Variants in DIPK1B observed in about 807,000 individuals in gnomAD.
DIPK1B encodes divergent protein kinase domain 1B, also known as family with sequence similarity 69 member B.
DIPK1B carries 17 observed loss-of-function variants against 20.7 expected under a neutral mutation model. The ratio of observed to expected loss-of-function variants is 0.82; its 90% confidence interval spans 0.56 to 1.23. DIPK1B has a LOEUF of 1.23. Among genes scored for constraint, DIPK1B ranks in the 50% most tolerant of loss-of-function variants. DIPK1B has a pLI of 0.00. For synonymous variants in DIPK1B, 343 were observed against 276.5 expected, an observed-to-expected ratio of 1.24 and a Z score of -2.39; for missense variants, 648 against 601.8, an observed-to-expected ratio of 1.08 and a Z score of -0.80.
chr9:136,722,814 C>G (rs891032964), intron 4 of DIPK1B, 148 bp from the exon 5 acceptor site: 2 of 761,630 alleles, frequency 2.6e-6, no homozygotes, highest in Admixed American at 5.8e-5. Flanking sequence ...GTCCTCCACC[C>G]GTGTAGCTGT....
At position 136,712,637 on chromosome 9, in the gene DIPK1B, G is replaced by A; in HGVS notation, c.-29G>A. On this transcript the variant is annotated 5_prime_UTR_variant, in exon 1 of 5. Coordinates refer to ENST00000371692, the MANE Select transcript of DIPK1B (RefSeq NM_152421.4). The surrounding 1 kb of genome is among the most constrained non-coding windows in gnomAD (Gnocchi z 5.6). ...GGGGCTGAGGCCGAGCGAGCCGCGGGGCCCGCGCAGCCCCGGCCGGAGCCC... is the reference window on the plus strand; with the variant it reads ...GGGGCTGAGGCCGAGCGAGCCGCGGAGCCCGCGCAGCCCCGGCCGGAGCCC... The A allele has an allele frequency of 8.9e-7, 1 of 1,129,390 alleles. No individual in the cohort carries two copies. Among genetic ancestry groups the A allele is most frequent in the Non-Finnish European group, 1.1e-6 (1 of 920,870 alleles). 70.0% of individuals were successfully genotyped at this position (1,129,390 alleles called of 1,614,324 possible). A position where few individuals can be genotyped will look rare whatever the true frequency, so the allele number is the denominator to read the frequency against.
chr9:136,721,352 A>G (rs753260763), intron 2 of DIPK1B: 1 of 153,676 alleles, frequency 6.5e-6, no homozygotes, highest in Non-Finnish European at 1.4e-5. Context: ...CAGCACCATC[A>G]TAGGAAACAA....
In DIPK1B at chr9:136,724,401, A is replaced by T. The variant is rs1846670904; in HGVS notation, c.*627A>T. On this transcript the variant is annotated 3_prime_UTR_variant, in exon 5 of 5. Coordinates refer to ENST00000371692, the MANE Select transcript of DIPK1B (RefSeq NM_152421.4). Reference sequence around the variant, plus strand: ...TTTACAAAATCCAGCCATGAGATGTACAACTCATTCCCTAGGAAACAGCCC... The same window carrying T: ...TTTACAAAATCCAGCCATGAGATGTTCAACTCATTCCCTAGGAAACAGCCC... Among the ~76,000 whole-genome samples the T allele has an allele frequency of 6.6e-6, 1 of 152,230 alleles. No individual in the cohort carries two copies. The highest frequency in any genetic ancestry group is 1.5e-5 in the Non-Finnish European group (1 of 68,044).
chr9:136,716,951 A>G (rs1417168168), intron 1 of DIPK1B, among the ~76,000 whole-genome samples: 1 of 152,126 alleles, frequency 6.6e-6, no homozygotes, highest in East Asian at 1.9e-4. Flanking sequence ...TCATTCGGCC[A>G]GGCACAGTGG....
chr9:136,719,626 G>A (rs1220552998), intron 2 of DIPK1B, among the ~76,000 whole-genome samples: 1 of 152,214 alleles, frequency 6.6e-6, no homozygotes, highest in South Asian at 2.1e-4. Context: ...GGGCCCTGAG[G>A]AGGCCAAGCA....
rs553384286 is a variant in DIPK1B at position 136,719,186 on chromosome 9, G to C, written c.198+1475G>C. On this transcript the variant is annotated intron_variant, in intron 2 of 4. Coordinates refer to ENST00000371692, the MANE Select transcript of DIPK1B (RefSeq NM_152421.4). ...TGGGGGTGAGCAGAGGATTCACGTG[G>C]CCAGGCAGGTTCTGAGCACCTACTG... Among the ~76,000 whole-genome samples the C allele has an allele frequency of 3.3e-5, 5 of 152,256 alleles. No individual in the cohort carries two copies. The East Asian group carries it at 9.6e-4, about 29-fold the overall frequency.
In DIPK1B at chr9:136,712,724, T is replaced by C; in HGVS notation, c.59T>C (p.Leu20Pro). The change falls in exon 1 of 5, where the codon CTG (leucine) becomes CCG (proline). Residue 20 changes from leucine to proline, a missense_variant. Coordinates refer to ENST00000371692, the MANE Select transcript of DIPK1B (RefSeq NM_152421.4). This position sits in a 1 kb window ranked among gnomAD's most constrained non-coding sequence, Gnocchi z 5.6. ...LVLFCPFSKR[L>P]QGRLPGLRVR... ...CTCTTCTGCCCCTTCTCCAAGCGCC[T>C]GCAGGTAAGCGCGGTGCGCGCCCGC... The C allele has an allele frequency of 7.4e-7, 1 of 1,357,956 alleles. No individual in the cohort carries two copies. Among genetic ancestry groups the C allele is most frequent in the Non-Finnish European group, 9.5e-7 (1 of 1,058,012 alleles). 84.1% of individuals were successfully genotyped at this position (1,357,956 alleles called of 1,614,324 possible). A position where few individuals can be genotyped will look rare whatever the true frequency, so the allele number is the denominator to read the frequency against.
At chr9:136,714,515 C>T (rs563456230) in intron 1 of DIPK1B, among the ~76,000 whole-genome samples, 1 of 152,314 alleles carries the variant, frequency 6.6e-6, no homozygotes, top group Admixed American at 6.5e-5. Context: ...TCCTGGCTGT[C>T]CTCCGAGGCC....
At chr9:136,719,779 T>C (rs1466022695) in intron 2 of DIPK1B, among the ~76,000 whole-genome samples, 1 of 152,158 alleles carries the variant, frequency 6.6e-6, no homozygotes, top group African/African-American at 2.4e-5. Context: ...CAGACAGCAG[T>C]GTGGCCCACA....
chr9:136,722,945 T>C lies in DIPK1B; in HGVS notation c.484-17T>C, dbSNP rs1445275953. 1 of 1,589,640 alleles carries C rather than the reference T, an allele frequency of 6.3e-7. No homozygotes were observed. The highest frequency in any genetic ancestry group is 8.6e-7 in the Non-Finnish European group (1 of 1,166,408). The stretch of plus-strand genomic sequence containing the variant: ...CAAATCAGCTGGCTTTTCCTTTCTT[T>C]TGGTCCCAAACGCCAGGCGAACCTG... On this transcript the variant is annotated splice_polypyrimidine_tract_variant and intron_variant, in intron 4 of 4. Coordinates refer to ENST00000371692, the MANE Select transcript of DIPK1B (RefSeq NM_152421.4).
intron 2 of DIPK1B, among the ~76,000 whole-genome samples, chr9:136,718,983 C>T (rs1355726171): frequency 6.6e-6 from 1 of 152,134 alleles, no homozygotes; most frequent in Non-Finnish European, 1.5e-5. Flanking sequence ...CTTGCTCACC[C>T]TTGAAGTCCA....
Position 136,722,020 on chromosome 9 carries a change from G to A in DIPK1B, c.298G>A (p.Gly100Ser). 1.2e-6 allele frequency: 2 copies of A among 1,613,414 alleles called. No individual in the cohort carries two copies. The highest frequency in any genetic ancestry group is 1.7e-6 in the Non-Finnish European group (2 of 1,179,954). The change falls in exon 3 of 5, where the codon GGC becomes AGC. Residue 100 changes from glycine (G) to serine (S), a missense_variant. By Grantham distance (56) the Gly-to-Ser change is moderately conservative. Coordinates refer to ENST00000371692, the MANE Select transcript of DIPK1B (RefSeq NM_152421.4). ...GAGGACCTGCCTCTCGGTGGCCCCG[G>A]GCCAGCAGGTATAGCCACTGGCAGG... ...EWRTCLSVAP[G>S]QQVYSGLWRD...
rs1392650547 is a variant in DIPK1B at position 136,724,655 on chromosome 9, A to C, written c.*881A>C. 1.3e-5 allele frequency: 2 copies of C among 152,256 alleles called. No homozygotes were observed. The highest frequency in any genetic ancestry group is 2.9e-5 in the Non-Finnish European group (2 of 68,042). The allele number at this position is 152,256 out of a possible 1,614,324, so 9.4% of individuals were successfully genotyped here. ...ACACAGAAATATTATCCTTAAAGAA[A>C]TGTGCATTTAAATCTTTTAATTCAC... On this transcript the variant is annotated 3_prime_UTR_variant, in exon 5 of 5. Coordinates refer to ENST00000371692, the MANE Select transcript of DIPK1B (RefSeq NM_152421.4).
At chr9:136,716,421 C>A (rs1846497579) in intron 1 of DIPK1B, among the ~76,000 whole-genome samples, 1 of 151,898 alleles carries the variant, frequency 6.6e-6, no homozygotes, top group Admixed American at 6.6e-5. Context: ...GCGTGAGTCA[C>A]CATGTCCAGC....
rs1211184561 is a variant in DIPK1B at position 136,714,849 on chromosome 9, G to A, written c.63+2121G>A. Among the ~76,000 whole-genome samples, 5 of 152,318 alleles carry A rather than the reference G, an allele frequency of 3.3e-5. No individual in the cohort carries two copies. In the South Asian group the frequency reaches 6.2e-4, roughly 19 times the overall value. ...CTCCCTCTGTAGCCCTGCCTGGGGC[G>A]GCCATCCGTGAGTGGATGCCGGGGA... On this transcript the variant is annotated intron_variant, in intron 1 of 4. Coordinates refer to ENST00000371692, the MANE Select transcript of DIPK1B (RefSeq NM_152421.4).
Position 136,723,108 on chromosome 9 carries a change from G to T in DIPK1B, c.630G>T (p.Leu210=). 1 of 1,613,594 alleles carries T rather than the reference G, an allele frequency of 6.2e-7. No homozygotes were observed. The highest frequency in any genetic ancestry group is 1.1e-5 in the South Asian group (1 of 91,086). ...LLQRNEFLLL[L]SLQEKEHASR... is the part of the protein sequence containing the mutation. ...AGCGTAACGAGTTCCTGCTGCTGCT[G>T]TCCCTGCAGGAGAAGGAGCACGCCT... The change falls in exon 5 of 5, where the codon CTG becomes CTT. Residue 210 remains leucine (L), a synonymous_variant. Coordinates refer to ENST00000371692, the MANE Select transcript of DIPK1B (RefSeq NM_152421.4).
rs977049763 is a variant in DIPK1B at position 136,723,959 on chromosome 9, T to C, written c.*185T>C. On this transcript the variant is annotated 3_prime_UTR_variant, in exon 5 of 5. Transcript: ENST00000371692. ...CCCCAGCTCGGAGCAAAGGCGGACA[T>C]GGACATCCCGGCAGGAGAGTCCTCC... 2.5e-5 allele frequency: 16 copies of C among 639,706 alleles called. No homozygotes were observed. In the Admixed American group the frequency reaches 3.3e-4, roughly 13 times the overall value. The allele number at this position is 639,706 out of a possible 1,614,324, so 39.6% of individuals were successfully genotyped here.
intron 2 of DIPK1B, among the ~76,000 whole-genome samples, chr9:136,720,139 C>T (rs1288277409): frequency 2.6e-5 from 4 of 152,016 alleles, no homozygotes; most frequent in South Asian, 4.1e-4. Context: ...GGTCTGGGGA[C>T]GGGAGTGGAC....
In DIPK1B at chr9:136,712,771, G is replaced by A. The variant is rs561599415; in HGVS notation, c.63+43G>A. On this transcript the variant is annotated intron_variant, in intron 1 of 4. Transcript: ENST00000371692. This position sits in a 1 kb window ranked among gnomAD's most constrained non-coding sequence, Gnocchi z 5.6. ...CCGCCGCCCCCGGCCGCCTCTGCCT[G>A]GGGAGGCCGAGCTCCAGCCCCGGAG... The A allele has an allele frequency of 4.2e-4, 545 of 1,285,706 alleles. 4 individuals carry two copies. In the African/African-American group the frequency reaches 7.0e-3, roughly 16 times the overall value. The allele number at this position is 1,285,706 out of a possible 1,614,324, so 79.6% of individuals were successfully genotyped here. A position where few individuals can be genotyped will look rare whatever the true frequency, so the allele number is the denominator to read the frequency against.
Sources: gnomAD v4.1 joint callset for allele counts (sites outside exome capture counted in the v4.1 genomes callset) on GRCh38, gnomAD v4.1.1 for gene constraint, Gnocchi (gnomAD v3.1) non-coding constraint, MANE v1.5 for transcripts, NCBI Gene and HGNC (gene_info 2026-07-23, HGNC 2026-07-21) for gene names.